CD44: variants seen among roughly 807,000 people sequenced by gnomAD.
The protein encoded by CD44 is CD44 antigen.
CD44 carries 49 observed loss-of-function variants against 88.8 expected under a neutral mutation model. That is an observed-to-expected ratio of 0.55 (90% CI 0.44 to 0.70). The LOEUF (loss-of-function observed/expected upper bound fraction) is 0.70. Among genes scored for constraint, CD44 ranks in the 30% least tolerant of loss-of-function variants. The probability of loss-of-function intolerance (pLI) is 0.00; values close to 1 mark genes in which losing one functional copy is unlikely to be tolerated. For synonymous variants in CD44, 325 were observed against 312.3 expected (o/e 1.04, Z -0.43); for missense variants, 883 against 913.8 (o/e 0.97, Z 0.43).
chr11:35,200,920 T>C (rs1447357943), intron 7 of CD44, among the ~76,000 whole-genome samples, 162 bp from the exon 8 acceptor site: 2 of 152,214 alleles, frequency 1.3e-5, no homozygotes, highest in Non-Finnish European at 2.9e-5. Flanking sequence ...TGAATTAAGC[T>C]GAAGTCACCC....
In CD44 at chr11:35,160,324, G is replaced by A. The variant is rs540474804; in HGVS notation, c.68-16251G>A. Among the ~76,000 whole-genome samples the A allele has an allele frequency of 2.6e-5, 4 of 152,364 alleles. No individual in the cohort carries two copies. The South Asian group carries it at 8.3e-4, about 32-fold the overall frequency. On this transcript the variant is annotated intron_variant, in intron 1 of 17. Coordinates refer to ENST00000428726, the MANE Select transcript of CD44 (RefSeq NM_000610.4). ...TTTCCCTCCAGCTTCGATGGGGCAG[G>A]TTCTCATATCTGCGTGCTGAAAGGC...
At chr11:35,160,458 C>G (rs939252003) in intron 1 of CD44, among the ~76,000 whole-genome samples, 1 of 152,262 alleles carries the variant, frequency 6.6e-6, no homozygotes, top group African/African-American at 2.4e-5. Context: ...ATTCATTATA[C>G]CATAACCACC....
In CD44 at chr11:35,196,793, C is replaced by T. The variant is rs1480706814; in HGVS notation, c.715C>T (p.Gln239Ter). 1.9e-6 allele frequency: 3 copies of T among 1,613,652 alleles called. No individual in the cohort carries two copies. The highest frequency in any genetic ancestry group is 2.5e-6 in the Non-Finnish European group (3 of 1,179,638). The change falls in exon 6 of 18, where the codon CAA (glutamine) becomes TAA (stop). Residue 239 changes from glutamine (Q) to a stop codon, truncating the protein, a stop_gained. Transcript: ENST00000428726. LOFTEE classifies it high-confidence loss of function. ...AGCAACTGAGACAGCAACCAAGAGG[C>T]AAGAAACCTGGGATTGGTTTTCATG... is the stretch of plus-strand genomic sequence containing the variant. ...ATATETATKR[Q>*]ETWDWFSWLF...
At position 35,163,635 on chromosome 11, in the gene CD44, G is replaced by A. The variant is rs956034665; in HGVS notation, c.68-12940G>A. ...TTAGGCTCAAGCCTCTTAAATCCCA[G>A]TGCAAGACCAATTTCTCTATGAAAT... On this transcript the variant is annotated intron_variant, in intron 1 of 17. Transcript: ENST00000428726. 3.9e-5 allele frequency among the ~76,000 whole-genome samples: 6 copies of A among 152,134 alleles called. No individual in the cohort carries two copies. In the East Asian group the frequency reaches 1.2e-3, roughly 29 times the overall value.
At chr11:35,157,973 TC>T (rs1409991451) in intron 1 of CD44, among the ~76,000 whole-genome samples, 1 of 152,114 alleles carries the variant, frequency 6.6e-6, no homozygotes, top group South Asian at 2.1e-4. Context: ...CATCAGATCA[TC>T]CCCAGGCTTC....
intron 1 of CD44, among the ~76,000 whole-genome samples, chr11:35,161,541 A>G (rs772274147): frequency 7.9e-5 from 12 of 152,192 alleles, no homozygotes; most frequent in Non-Finnish European, 1.3e-4. Context: ...GGGAGTGGAC[A>G]CATCACAGTT....
intron 7 of CD44, among the ~76,000 whole-genome samples, chr11:35,198,984 A>AT (rs1947037715): frequency 6.8e-6 from 1 of 147,564 alleles, no homozygotes; most frequent in South Asian, 2.2e-4. Context: ...AAAAAAAAAA[A>AT]GTTGTGGAAG....
chr11:35,229,327 G>A lies in CD44; in HGVS notation c.2223G>A (p.Gly741=), dbSNP rs376116333. 6.2e-7 allele frequency: 1 copy of A among 1,603,826 alleles called. No homozygotes were observed. ...RNLQNVDMKI[G]V The stretch of plus-strand genomic sequence containing the variant: ...TGCAGAATGTGGACATGAAGATTGG[G>A]GTGTAACACCTACACCATTATCTTG... The change falls in exon 18 of 18, where the codon GGG becomes GGA. Residue 741 remains glycine, a synonymous_variant. Transcript: ENST00000428726.
chr11:35,208,026 A>T, intron 11 of CD44, 79 bp from the exon 12 acceptor site: 1 of 818,492 alleles, frequency 1.2e-6, no homozygotes, highest in Non-Finnish European at 2.1e-6. Context: ...ATATTTAAAA[A>T]AATCAGCTGT....
chr11:35,145,869 G>A (rs1226922710), intron 1 of CD44, among the ~76,000 whole-genome samples: 3 of 152,280 alleles, frequency 2.0e-5, no homozygotes, highest in Admixed American at 6.5e-5. Context: ...TAGCTTCTTC[G>A]GGGGCAAATC....
chr11:35,228,840 A>G (rs1329975346), intron 17 of CD44, among the ~76,000 whole-genome samples: 4 of 152,168 alleles, frequency 2.6e-5, no homozygotes, highest in African/African-American at 9.7e-5. Flanking sequence ...TTTCTGATTC[A>G]GCAGGTTTGG....
intron 2 of CD44, chr11:35,177,035 A>C (rs943108617): frequency 2.4e-5 from 8 of 328,834 alleles, no homozygotes; most frequent in Admixed American, 1.4e-4. Context: ...GCTTTGAAGA[A>C]GCTGCAGTAT....
chr11:35,215,879 A>C (rs574920154), intron 15 of CD44, among the ~76,000 whole-genome samples: 9 of 151,222 alleles, frequency 6.0e-5, no homozygotes, highest in East Asian at 1.9e-4. Flanking sequence ...CTCAAAAAAA[A>C]CCAAAAAACA....
rs1156653142 is a variant in CD44 at position 35,204,584 on chromosome 11, A to G, written c.1226A>G (p.His409Arg). 5.6e-6 allele frequency: 9 copies of G among 1,613,118 alleles called. No homozygotes were observed. The highest frequency in any genetic ancestry group is 7.6e-6 in the Non-Finnish European group (9 of 1,179,278). Residue 409 changes from histidine (H) to arginine (R), a missense_variant, in exon 10 of 18, where the codon CAT (histidine) becomes CGT (arginine). His to Arg is a conservative substitution (Grantham distance 29, BLOSUM62 0). Transcript: ENST00000428726. ...QKEQWFGNRWHEGYRQTPKED... is the reference protein window; with the variant it reads ...QKEQWFGNRWREGYRQTPKED... ...GAACAGTGGTTTGGCAACAGATGGC[A>G]TGAGGGATATCGCCAAACACCCAAA...
intron 15 of CD44, 54 bp from the exon 16 acceptor site, chr11:35,219,262 A>G (rs1174469795): frequency 7.5e-7 from 1 of 1,337,994 alleles, no homozygotes; most frequent in African/African-American, 1.4e-5. Flanking sequence ...TCCACAAGGA[A>G]CTCATGGTTA....
At chr11:35,208,379 T>A (rs1330762697) in intron 12 of CD44, among the ~76,000 whole-genome samples, 173 bp downstream of exon 12, 1 of 152,222 alleles carries the variant, frequency 6.6e-6, no homozygotes, top group Non-Finnish European at 1.5e-5. Context: ...TCTCTCAACC[T>A]GATTTTCCCT....
intron 5 of CD44, among the ~76,000 whole-genome samples, chr11:35,195,964 A>C (rs1024373532): frequency 1.3e-5 from 2 of 152,168 alleles, no homozygotes; most frequent in African/African-American, 4.8e-5. Context: ...TTCTACTTCT[A>C]TGTCATTTTC....
At chr11:35,187,661 G>A (rs1440911785) in intron 4 of CD44, among the ~76,000 whole-genome samples, 1 of 152,170 alleles carries the variant, frequency 6.6e-6, no homozygotes, top group Non-Finnish European at 1.5e-5. Context: ...CTCTGGGTCT[G>A]AGTCATGTTC....
In CD44 at chr11:35,208,108, T is replaced by C. The variant is rs775979328; in HGVS notation, c.1418T>C (p.Met473Thr). The change falls in exon 12 of 18, where the codon ATG (methionine) becomes ACG (threonine). Residue 473 changes from methionine to threonine, a missense_variant. By Grantham distance (81) the Met-to-Thr change is moderately conservative. Around this residue, in one of 2 missense-constraint regions of CD44, gnomAD observed 631 missense variants for 590.9 expected, o/e 1.07. Transcript: ENST00000428726. Reference protein sequence around the residue: ...RGHQAGRRMDMDSSHSITLQP... With the variant: ...RGHQAGRRMDTDSSHSITLQP... ...ACACTAATATTGATTCCTTCAGATA[T>C]GGACTCCAGTCATAGTATAACGCTT... The C allele has an allele frequency of 5.7e-6, 9 of 1,582,516 alleles. No individual in the cohort carries two copies. The highest frequency in any genetic ancestry group is 1.7e-4 in the Middle Eastern group (1 of 5,986).
Sources: allele counts gnomAD v4.1 joint callset (sites outside exome capture counted in the v4.1 genomes callset), GRCh38; gene constraint gnomAD v4.1.1; regional missense constraint gnomAD v4.1.1; transcripts MANE v1.5; gene names NCBI Gene and HGNC (gene_info 2026-07-23, HGNC 2026-07-21).